Variants in UBE2L3 observed in about 807,000 individuals in gnomAD.
UBE2L3 encodes the protein ubiquitin conjugating enzyme E2 L3.
Under a neutral mutation model 17.8 loss-of-function variants are expected in UBE2L3, and 1 was observed. The observed-to-expected ratio is 0.06, with a 90% CI of 0.02 to 0.27. The LOEUF is 0.27. Among genes scored for constraint, UBE2L3 ranks in the 10% least tolerant of loss-of-function variants. The pLI is 1.00. For synonymous variants in UBE2L3, 44 were observed against 68.5 expected, an observed-to-expected ratio of 0.64 and a Z score of 1.76; for missense variants, 40 against 192.6, an observed-to-expected ratio of 0.21 and a Z score of 4.69.
At chr22:21,604,207 A>G (rs1220291120) in intron 2 of UBE2L3, among the ~76,000 whole-genome samples, 1 of 152,188 alleles carries the variant, frequency 6.6e-6, no homozygotes, top group East Asian at 1.9e-4. Flanking sequence ...TGTGAAGATA[A>G]TGCTGAAATC....
Position 21,621,768 on chromosome 22 carries a change from A to G in UBE2L3, c.*99A>G. On this transcript the variant is annotated 3_prime_UTR_variant, in exon 4 of 4. Coordinates refer to ENST00000342192, the MANE Select transcript of UBE2L3 (RefSeq NM_003347.4). The stretch of plus-strand genomic sequence containing the variant: ...GACTCTGTGGAAATTGACACGTGCC[A>G]CCGCCTGGCGTTCGCTTGTGGCAGT... The G allele has an allele frequency of 2.3e-6, 2 of 879,648 alleles. No individual in the cohort carries two copies. Among genetic ancestry groups the G allele is most frequent in the South Asian group, 1.8e-5 (1 of 56,374 alleles). The allele number at this position is 879,648 out of a possible 1,614,324, so 54.5% of individuals were successfully genotyped here. A position where few individuals can be genotyped will look rare whatever the true frequency, so the allele number is the denominator to read the frequency against.
upstream of UBE2L3, among the ~76,000 whole-genome samples, chr22:21,562,884 A>G (rs1926494333): frequency 6.6e-6 from 1 of 151,848 alleles, no homozygotes; most frequent in East Asian, 1.9e-4. Flanking sequence ...GGAGGAAGGA[A>G]TAGCATGTGG....
rs1601451541 is a variant in UBE2L3, at chr22:21,623,840, C to G, written c.*2171C>G. The stretch of plus-strand genomic sequence containing the variant: ...CTCCAAAACCAAAAAGCTGGGTCCT[C>G]TGGAGGAGGGGCGAGCTGTGGAGCA... On this transcript the variant is annotated 3_prime_UTR_variant, in exon 4 of 4. Coordinates refer to ENST00000342192, the MANE Select transcript of UBE2L3 (RefSeq NM_003347.4). 1 of 152,740 alleles carries G rather than the reference C, an allele frequency of 6.5e-6. No individual in the cohort carries two copies. Among genetic ancestry groups the G allele is most frequent in the East Asian group, 1.9e-4 (1 of 5,202 alleles). The allele number at this position is 152,740 out of a possible 1,614,324, so 9.5% of individuals were successfully genotyped here.
At chr22:21,605,230 A>G (rs901405120) in intron 2 of UBE2L3, among the ~76,000 whole-genome samples, 6 of 152,174 alleles carry the variant, frequency 3.9e-5, no homozygotes, top group East Asian at 1.9e-4. Flanking sequence ...ACCTTGCTCT[A>G]TCGCCTAGGC....
At chr22:21,562,497 G>A (rs1200129805) in intron 1 of UBE2L3, among the ~76,000 whole-genome samples, 18 of 151,024 alleles carry the variant, frequency 1.2e-4, no homozygotes, top group Middle Eastern at 3.4e-3. Context: ...TCAACCTCCC[G>A]AGTAGCTGGG....
At chr22:21,582,546 C>A (rs374387) in intron 1 of UBE2L3, among the ~76,000 whole-genome samples, 113,596 of 151,286 alleles carry the variant, frequency 0.75, 43,898 homozygotes, top group African/African-American at 0.94. Context: ...GTTTTTTGAG[C>A]CGGAGTTTCA....
At chr22:21,601,255 A>G (rs1243969125) in intron 2 of UBE2L3, among the ~76,000 whole-genome samples, 10 of 152,086 alleles carry the variant, frequency 6.6e-5, no homozygotes, top group Admixed American at 6.5e-4. Context: ...GAGTAAGGAC[A>G]TATTCCATGT....
intron 1 of UBE2L3, chr22:21,567,986 T>A: frequency 1.5e-6 from 2 of 1,365,040 alleles, no homozygotes; most frequent in East Asian, 3.1e-5. Context: ...GGAGCCGCTG[T>A]CGGCCCCTCA....
chr22:21,553,117 T>C (rs1407387204), intron 1 of UBE2L3, among the ~76,000 whole-genome samples: 7 of 15,014 alleles, frequency 4.7e-4, no homozygotes, highest in East Asian at 3.8e-3. Flanking sequence ...AGTGGCACGA[T>C]TTCGGCTCAC....
intron 1 of UBE2L3, among the ~76,000 whole-genome samples, chr22:21,575,702 G>A (rs1274478369): frequency 2.5e-5 from 3 of 119,704 alleles, no homozygotes; most frequent in Non-Finnish European, 4.9e-5. Flanking sequence ...GAGTGCAGTG[G>A]CACCATCTCA....
intron 1 of UBE2L3, among the ~76,000 whole-genome samples, chr22:21,571,621 C>CTT (rs776768721): frequency 1.3e-5 from 2 of 152,296 alleles, no homozygotes; most frequent in Non-Finnish European, 2.9e-5. Context: ...ATGCTGGTCT[C>CTT]TAACTCCTAA....
intron 1 of UBE2L3, among the ~76,000 whole-genome samples, chr22:21,588,819 C>T (rs1366838829): frequency 2.0e-5 from 3 of 151,752 alleles, no homozygotes; most frequent in Admixed American, 6.6e-5. Context: ...CCTGCCACCA[C>T]GCCCGGCTAA....
chr22:21,596,675 C>G (rs1928543955), intron 2 of UBE2L3, among the ~76,000 whole-genome samples: 1 of 151,976 alleles, frequency 6.6e-6, no homozygotes, highest in South Asian at 2.1e-4. Context: ...TTAGTAGAGA[C>G]TGGGTTTCTC....
At chr22:21,611,483 G>C (rs1228477232) in intron 3 of UBE2L3, among the ~76,000 whole-genome samples, 1 of 152,204 alleles carries the variant, frequency 6.6e-6, no homozygotes, top group African/African-American at 2.4e-5. Context: ...GCTATAGGAA[G>C]GGCATGGGCT....
chr22:21,594,044 C>A (rs1439496054), intron 2 of UBE2L3, among the ~76,000 whole-genome samples: 1 of 152,202 alleles, frequency 6.6e-6, no homozygotes, highest in East Asian at 1.9e-4. Context: ...CTCACTTGGT[C>A]ATTGTGTAGC....
At chr22:21,602,251 A>G (rs1291542312) in intron 2 of UBE2L3, among the ~76,000 whole-genome samples, 1 of 152,216 alleles carries the variant, frequency 6.6e-6, no homozygotes, top group Non-Finnish European at 1.5e-5. Context: ...CCTGGCATGA[A>G]GAAGGAGCAG....
intron 1 of UBE2L3, among the ~76,000 whole-genome samples, chr22:21,587,233 C>T (rs1229444974): frequency 6.6e-6 from 1 of 151,316 alleles, no homozygotes; most frequent in Non-Finnish European, 1.5e-5. Flanking sequence ...GCTCTGTCAC[C>T]AGGCTGGAGT....
At chr22:21,568,113 C>G in intron 1 of UBE2L3, 1 of 1,092,664 alleles carries the variant, frequency 9.2e-7, no homozygotes, top group Non-Finnish European at 1.1e-6. Flanking sequence ...TTGGGAGGCT[C>G]CAAACCGGGC....
intron 3 of UBE2L3, among the ~76,000 whole-genome samples, chr22:21,612,117 C>A (rs1213352620): frequency 6.6e-6 from 1 of 152,078 alleles, no homozygotes; most frequent in East Asian, 1.9e-4. Context: ...GAGTTCAAAG[C>A]CTTGCGCAAG....
Sources: allele counts gnomAD v4.1 joint callset (sites outside exome capture counted in the v4.1 genomes callset), GRCh38; gene constraint gnomAD v4.1.1; transcripts MANE v1.5; gene names NCBI Gene and HGNC (gene_info 2026-07-23, HGNC 2026-07-21).